The following BMPER variants were observed in gnomAD, a reference collection of about 807,000 sequenced individuals.
BMPER encodes BMP binding endothelial regulator, also known as BMP-binding endothelial regulator protein.
BMPER carries 45 observed loss-of-function variants against 87.3 expected under a neutral mutation model. The ratio of observed to expected loss-of-function variants is 0.52; its 90% CI spans 0.41 to 0.66. BMPER has a LOEUF of 0.66. Among genes scored for constraint, BMPER ranks in the 30% least tolerant of loss-of-function variants. The probability of loss-of-function intolerance (pLI) is 0.00; values close to 1 mark genes in which losing one functional copy is unlikely to be tolerated. For missense variants in BMPER, 784 were observed against 867.5 expected (o/e 0.90, Z 1.21); for synonymous variants, 326 against 316.2 (o/e 1.03, Z -0.33).
chr7:33,980,620 C>A (rs1785826679), intron 6 of BMPER, among the ~76,000 whole-genome samples: 1 of 152,118 alleles, frequency 6.6e-6, no homozygotes. Context: ...ATTTTAAGAA[C>A]CCCAGGGGCT....
intron 2 of BMPER, among the ~76,000 whole-genome samples, chr7:33,925,717 T>C (rs1300906519): frequency 6.6e-6 from 1 of 152,204 alleles, no homozygotes; most frequent in Non-Finnish European, 1.5e-5. Flanking sequence ...TGAAACAAAC[T>C]GTTCTACTGC....
chr7:34,011,858 G>C (rs1175675073), intron 6 of BMPER, among the ~76,000 whole-genome samples: 1 of 151,788 alleles, frequency 6.6e-6, no homozygotes, highest in Non-Finnish European at 1.5e-5. Context: ...TCCTTGGAAA[G>C]GCTTTCAGAT....
intron 7 of BMPER, among the ~76,000 whole-genome samples, chr7:34,048,096 C>T (rs1788037139): frequency 6.6e-6 from 1 of 151,912 alleles, no homozygotes; most frequent in Non-Finnish European, 1.5e-5. Context: ...ATGCCCACGC[C>T]TTTTTCTTGA....
chr7:33,969,410 A>T (rs914539591), intron 4 of BMPER, among the ~76,000 whole-genome samples: 4 of 152,086 alleles, frequency 2.6e-5, no homozygotes, highest in Non-Finnish European at 2.9e-5. Context: ...TTATTTATTT[A>T]TTTTTTTGAG....
chr7:34,098,836 A>G (rs1212889488), intron 13 of BMPER, among the ~76,000 whole-genome samples: 1 of 152,248 alleles, frequency 6.6e-6, no homozygotes, highest in East Asian at 1.9e-4. Flanking sequence ...GAATTTATTG[A>G]CATACATAGC....
intron 14 of BMPER, among the ~76,000 whole-genome samples, chr7:34,148,748 A>G (rs1473313639): frequency 6.6e-6 from 1 of 152,178 alleles, no homozygotes; most frequent in Non-Finnish European, 1.5e-5. Flanking sequence ...AAGAATTGAG[A>G]GGTCAGAGAG....
intron 4 of BMPER, among the ~76,000 whole-genome samples, chr7:33,969,275 T>C (rs1585688529): frequency 6.6e-6 from 1 of 152,282 alleles, no homozygotes; most frequent in East Asian, 1.9e-4. Flanking sequence ...ATTTACAAAA[T>C]GGGTGGAGAA....
chr7:33,923,971 A>G (rs935038753), intron 2 of BMPER, among the ~76,000 whole-genome samples: 3 of 152,114 alleles, frequency 2.0e-5, no homozygotes, highest in South Asian at 2.1e-4. Context: ...TTCCACATCT[A>G]TGTTCCCACA....
chr7:33,946,011 C>T (rs1784885785), intron 3 of BMPER, among the ~76,000 whole-genome samples: 1 of 152,046 alleles, frequency 6.6e-6, no homozygotes, highest in Non-Finnish European at 1.5e-5. Context: ...AGTCCTTTCC[C>T]ACATTGCTAT....
chr7:33,951,432 T>G (rs555557843), intron 3 of BMPER, among the ~76,000 whole-genome samples: 1 of 152,290 alleles, frequency 6.6e-6, no homozygotes, highest in East Asian at 1.9e-4. Flanking sequence ...TTGCTTGGAG[T>G]GCTTTTCTAC....
chr7:33,912,539 G>T (rs1283551902), intron 2 of BMPER, among the ~76,000 whole-genome samples: 1 of 152,180 alleles, frequency 6.6e-6, no homozygotes, highest in African/African-American at 2.4e-5. Flanking sequence ...GCAAATAGGG[G>T]GAGGGCAGTA....
intron 3 of BMPER, among the ~76,000 whole-genome samples, chr7:33,955,433 T>C (rs1268650181): frequency 2.0e-5 from 3 of 152,160 alleles, no homozygotes; most frequent in Non-Finnish European, 4.4e-5. Context: ...CAGCTCAGAC[T>C]TTCCAGCAAA....
chr7:34,042,491 T>A (rs996887047), intron 6 of BMPER, among the ~76,000 whole-genome samples: 13 of 152,194 alleles, frequency 8.5e-5, no homozygotes, highest in Non-Finnish European at 1.3e-4. Context: ...CAGCTTTACA[T>A]GCTGAAATTG....
chr7:33,911,052 T>G (rs1783949352), intron 2 of BMPER, among the ~76,000 whole-genome samples: 3 of 152,262 alleles, frequency 2.0e-5, no homozygotes, highest in Admixed American at 2.0e-4. Flanking sequence ...AGAGAGGTAC[T>G]GCACTCAGTA....
At chr7:33,963,128 C>T (rs746779461) in intron 3 of BMPER, among the ~76,000 whole-genome samples, 1 of 152,268 alleles carries the variant, frequency 6.6e-6, no homozygotes, top group East Asian at 1.9e-4. Flanking sequence ...CCTTTTTGTG[C>T]AAATTTTCTC....
chr7:34,084,896 G>A (rs1789157195), intron 12 of BMPER, among the ~76,000 whole-genome samples: 1 of 152,212 alleles, frequency 6.6e-6, no homozygotes, highest in Non-Finnish European at 1.5e-5. Context: ...ATTTTAGATA[G>A]TCAGCTTAGC....
chr7:34,116,264 C>T (rs933467724), intron 13 of BMPER, among the ~76,000 whole-genome samples: 2 of 152,186 alleles, frequency 1.3e-5, no homozygotes, highest in Admixed American at 1.3e-4. Flanking sequence ...CAATAAAACA[C>T]TGGGTGGCTG....
At chr7:33,976,006 T>C (rs1010173625) in intron 6 of BMPER, among the ~76,000 whole-genome samples, 6 of 152,000 alleles carry the variant, frequency 3.9e-5, no homozygotes, top group Admixed American at 6.6e-5. Context: ...ATAAAACATA[T>C]GTAATATACA....
At chr7:33,999,081 C>T (rs954661822) in intron 6 of BMPER, among the ~76,000 whole-genome samples, 1 of 152,258 alleles carries the variant, frequency 6.6e-6, no homozygotes, top group Non-Finnish European at 1.5e-5. Flanking sequence ...CGAAGTCATT[C>T]TTTCTAGCAG....
Sources: allele counts gnomAD v4.1 joint callset (sites outside exome capture counted in the v4.1 genomes callset), GRCh38; gene constraint gnomAD v4.1.1; transcripts MANE v1.5; gene names NCBI Gene and HGNC (gene_info 2026-07-23, HGNC 2026-07-21).